Variants in CDH18 observed in about 807,000 individuals in gnomAD.
CDH18 encodes cadherin-18.
A neutral mutation model predicts 67.9 loss-of-function variants in CDH18; 31 were observed. The observed-to-expected ratio is 0.46, with a 90% confidence interval of 0.34 to 0.62. The LOEUF is 0.62. Ranked by LOEUF, CDH18 falls within the 20% of genes least tolerant of loss-of-function variation. The pLI is 0.01. For missense variants in CDH18, 890 were observed against 975.5 expected, an observed-to-expected ratio of 0.91 and a Z score of 1.17; for synonymous variants, 362 against 347.2, an observed-to-expected ratio of 1.04 and a Z score of -0.48.
chr5:20,143,922 A>C (rs749271676), intron 2 of CDH18, among the ~76,000 whole-genome samples: 6 of 152,184 alleles, frequency 3.9e-5, no homozygotes, highest in South Asian at 4.1e-4. Flanking sequence ...TGTCAGTAGA[A>C]GCCAGGAATA....
At chr5:20,026,580 T>G (rs1341006377) in intron 2 of CDH18, among the ~76,000 whole-genome samples, 1 of 152,224 alleles carries the variant, frequency 6.6e-6, no homozygotes, top group Non-Finnish European at 1.5e-5. Context: ...AATAGCCATA[T>G]TTTGGTCAAA....
chr5:19,836,615 G>T (rs543130787), intron 3 of CDH18, among the ~76,000 whole-genome samples: 1 of 152,196 alleles, frequency 6.6e-6, no homozygotes, highest in South Asian at 2.1e-4. Flanking sequence ...CCATTCTTTA[G>T]GTTGCCTGTT....
intron 1 of CDH18, among the ~76,000 whole-genome samples, chr5:20,545,806 A>C (rs1757309659): frequency 6.6e-6 from 1 of 152,168 alleles, no homozygotes; most frequent in Admixed American, 6.5e-5. Context: ...TACTTAAGCA[A>C]ATTTCTGGGG....
At chr5:19,844,795 T>C (rs1782740108) in intron 2 of CDH18, among the ~76,000 whole-genome samples, 1 of 152,190 alleles carries the variant, frequency 6.6e-6, no homozygotes, top group East Asian at 1.9e-4. Context: ...GTTCTAGCTA[T>C]GTTGTTCTAG....
At chr5:20,219,978 G>T (rs1446970532) in intron 2 of CDH18, among the ~76,000 whole-genome samples, 10 of 151,550 alleles carry the variant, frequency 6.6e-5, no homozygotes, top group Non-Finnish European at 1.3e-4. Flanking sequence ...ATTGAAGAGG[G>T]CACCAAAAAA....
intron 1 of CDH18, among the ~76,000 whole-genome samples, chr5:19,987,317 C>T (rs1393820151): frequency 6.6e-6 from 1 of 151,094 alleles, no homozygotes; most frequent in Non-Finnish European, 1.5e-5. Context: ...CCTTGTTTTG[C>T]AGACATAAAA....
chr5:20,131,559 T>C (rs2126476416), intron 2 of CDH18, among the ~76,000 whole-genome samples: 1 of 152,238 alleles, frequency 6.6e-6, no homozygotes, highest in South Asian at 2.1e-4. Context: ...GTTCCTAAAA[T>C]GAACAATCCA....
At chr5:20,036,121 G>A (rs1259647383) in intron 2 of CDH18, among the ~76,000 whole-genome samples, 1 of 151,848 alleles carries the variant, frequency 6.6e-6, no homozygotes, top group Non-Finnish European at 1.5e-5. Flanking sequence ...GATAAATGTG[G>A]ACTAAAAAAG....
At chr5:19,737,038 C>G (rs1256319213) in intron 4 of CDH18, among the ~76,000 whole-genome samples, 1 of 152,202 alleles carries the variant, frequency 6.6e-6, no homozygotes, top group Admixed American at 6.5e-5. Flanking sequence ...CCAGTGAGAA[C>G]ACAGAAGTCT....
intron 2 of CDH18, among the ~76,000 whole-genome samples, chr5:20,014,183 A>G (rs1737690947): frequency 6.6e-6 from 1 of 152,152 alleles, no homozygotes; most frequent in Non-Finnish European, 1.5e-5. Context: ...ACTGCATTTG[A>G]AAATATTTAC....
chr5:19,473,252 C>T lies in CDH18; in HGVS notation c.2347G>A (p.Glu783Lys), dbSNP rs764848176. The stretch of plus-strand genomic sequence containing the variant: ...TAAGTTGTTCTTTCAGATTCTATTT[C>T]TCCATAGAGTTCAGCTAACTTTTTA... ...EFKKLAELYG[E>K]IESERTT The change falls in exon 13 of 13, where the codon GAA becomes AAA. Residue 783 changes from glutamate to lysine, a missense_variant. Coordinates refer to ENST00000382275, the MANE Select transcript of CDH18 (RefSeq NM_004934.5). The T allele has an allele frequency of 1.2e-5, 19 of 1,613,518 alleles. No individual in the cohort carries two copies. Among genetic ancestry groups the T allele is most frequent in the Non-Finnish European group, 1.4e-5 (17 of 1,179,670 alleles).
chr5:19,782,078 C>T (rs1027123744), intron 3 of CDH18, among the ~76,000 whole-genome samples: 1 of 151,840 alleles, frequency 6.6e-6, no homozygotes. Flanking sequence ...GCAAACACAC[C>T]TGTATTAATT....
intron 1 of CDH18, among the ~76,000 whole-genome samples, chr5:20,438,795 T>C (rs1225416567): frequency 6.6e-6 from 1 of 151,466 alleles, no homozygotes; most frequent in Non-Finnish European, 1.5e-5. Flanking sequence ...TCTTTCCACC[T>C]GTTCCACCAA....
chr5:19,891,241 C>T (rs1410506725), intron 2 of CDH18, among the ~76,000 whole-genome samples: 2 of 152,064 alleles, frequency 1.3e-5, no homozygotes, highest in Non-Finnish European at 2.9e-5. Flanking sequence ...ATAAAATGTG[C>T]TGATTTTATA....
intron 2 of CDH18, among the ~76,000 whole-genome samples, chr5:19,976,712 C>A (rs192986579): frequency 6.6e-6 from 1 of 151,998 alleles, no homozygotes; most frequent in Admixed American, 6.6e-5. Flanking sequence ...TATAATGATA[C>A]AGAGTTGAAA....
intron 2 of CDH18, among the ~76,000 whole-genome samples, chr5:20,067,275 G>A (rs1743062354): frequency 6.6e-6 from 1 of 151,258 alleles, no homozygotes; most frequent in Non-Finnish European, 1.5e-5. Context: ...CAGTTTTTTA[G>A]TTCATTAAAG....
At chr5:20,203,701 CAA>C (rs542413581) in intron 2 of CDH18, among the ~76,000 whole-genome samples, 205 of 149,902 alleles carry the variant, frequency 1.4e-3, no homozygotes, top group Middle Eastern at 6.9e-3. Context: ...TCCTTCAATG[CAA>C]AGACATAGAC....
At chr5:19,890,838 G>A (rs1205888679) in intron 2 of CDH18, among the ~76,000 whole-genome samples, 1 of 151,914 alleles carries the variant, frequency 6.6e-6, no homozygotes, top group African/African-American at 2.4e-5. Context: ...ATGTCATATA[G>A]GTTGCAATAC....
chr5:19,693,756 G>A (rs1762198792), intron 5 of CDH18, among the ~76,000 whole-genome samples: 1 of 151,770 alleles, frequency 6.6e-6, no homozygotes, highest in Non-Finnish European at 1.5e-5. Context: ...AATTAGCTCA[G>A]CATAGGGTGC....
Sources: gnomAD v4.1 joint callset for allele counts (sites outside exome capture counted in the v4.1 genomes callset) on GRCh38, gnomAD v4.1.1 for gene constraint, MANE v1.5 for transcripts, NCBI Gene and HGNC (gene_info 2026-07-23, HGNC 2026-07-21) for gene names.